STARD3: variants seen among roughly 807,000 people sequenced by gnomAD.
STARD3 encodes the protein StAR related lipid transfer domain containing 3.
A neutral mutation model predicts 62.0 loss-of-function variants in STARD3; 39 were observed. The observed-to-expected ratio is 0.63, with a 90% CI of 0.49 to 0.82. STARD3 has a LOEUF of 0.82. Among genes scored for constraint, STARD3 ranks in the 40% least tolerant of loss-of-function variants. The pLI is 0.00. For synonymous variants in STARD3, 229 were observed against 242.4 expected, an observed-to-expected ratio of 0.94 and a Z score of 0.51; for missense variants, 543 against 584.5, an observed-to-expected ratio of 0.93 and a Z score of 0.73.
At chr17:39,662,506 C>G in intron 14 of STARD3, 162 bp downstream of exon 14, 1 of 720,558 alleles carries the variant, frequency 1.4e-6, no homozygotes, top group Non-Finnish European at 2.3e-6. Flanking sequence ...CAGATGGTCT[C>G]TTAGCCCTGG....
At position 39,663,132 on chromosome 17, in the gene STARD3, T is replaced by C; in HGVS notation, c.*224T>C. 1 of 476,284 alleles carries C rather than the reference T, an allele frequency of 2.1e-6. No individual in the cohort carries two copies. The highest frequency in any genetic ancestry group is 3.7e-6 in the Non-Finnish European group (1 of 271,722). The allele number at this position is 476,284 out of a possible 1,614,324, so 29.5% of individuals were successfully genotyped here. ...GAGGAAGTGGGGTCTGGCCTGTTGA[T>C]GTTTACATGGCGCCCTGCCTCCTGG... On this transcript the variant is annotated 3_prime_UTR_variant, in exon 15 of 15. Transcript: ENST00000336308.
chr17:39,638,357 T>C (rs1004926155), intron 1 of STARD3, among the ~76,000 whole-genome samples: 1 of 152,250 alleles, frequency 6.6e-6, no homozygotes, highest in African/African-American at 2.4e-5. Flanking sequence ...CTATTGCCTA[T>C]GTGCTGAACC....
chr17:39,642,900 C>T (rs918564260), intron 1 of STARD3, among the ~76,000 whole-genome samples: 4 of 151,624 alleles, frequency 2.6e-5, no homozygotes, highest in African/African-American at 7.3e-5. Flanking sequence ...CCGTGGACAG[C>T]GAGGGACCAG....
intron 1 of STARD3, among the ~76,000 whole-genome samples, chr17:39,640,505 C>A (rs1003862772): frequency 3.3e-5 from 5 of 149,648 alleles, no homozygotes; most frequent in African/African-American, 1.2e-4. Flanking sequence ...TCCCTTCCAT[C>A]CCCCCAACCC....
At chr17:39,643,667 G>T (rs926591848) in intron 1 of STARD3, among the ~76,000 whole-genome samples, 7 of 152,168 alleles carry the variant, frequency 4.6e-5, no homozygotes, top group African/African-American at 1.7e-4. Context: ...TCTACCCTCT[G>T]TGGAGTCTCC....
rs144274325 is a variant in STARD3, at chr17:39,658,283, C to G, written c.430-122C>G. The G allele has an allele frequency of 1.0e-3, 979 of 950,672 alleles. 7 individuals are homozygous for G. The African/African-American group carries it at 0.014, about 14-fold the overall frequency. The allele number at this position is 950,672 out of a possible 1,614,324, so 58.9% of individuals were successfully genotyped here. A position where few individuals can be genotyped will look rare whatever the true frequency, so the allele number is the denominator to read the frequency against. ...CCTGCTGCAGACTTGAGAGGGTTCC[C>G]AAGCAGCTGCTACCAGGAATGGGGT... On this transcript the variant is annotated intron_variant, in intron 5 of 14. Coordinates refer to ENST00000336308, the MANE Select transcript of STARD3 (RefSeq NM_006804.4).
chr17:39,639,997 T>C (rs2056969072), intron 1 of STARD3, among the ~76,000 whole-genome samples: 1 of 152,194 alleles, frequency 6.6e-6, no homozygotes. Flanking sequence ...GATCACAGCA[T>C]GGTATTATTT....
At position 39,653,729 on chromosome 17, in the gene STARD3, G is replaced by A. The variant is rs773414195; in HGVS notation, c.198G>A (p.Leu66=). 1 of 1,614,130 alleles carries A rather than the reference G, an allele frequency of 6.2e-7. No homozygotes were observed. The highest frequency in any genetic ancestry group is 1.3e-5 in the African/African-American group (1 of 75,052). ...FVTFDLLFIS[L]LWIIELNTNT... ...CCTTCGACCTGCTCTTCATCTCCCT[G>A]CTCTGGATCATCGAACTGAATGTGA... The change falls in exon 2 of 15, where the codon CTG becomes CTA. Residue 66 remains leucine, a synonymous_variant. Coordinates refer to ENST00000336308, the MANE Select transcript of STARD3 (RefSeq NM_006804.4).
chr17:39,660,687 T>C lies in STARD3; in HGVS notation c.955-123T>C. Reference sequence around the variant, plus strand: ...GTCGGGAGGAGGGCAGGAGGAGTGCTCATCAGGCGCTGCCCAGGGCCTGCC... The same window carrying C: ...GTCGGGAGGAGGGCAGGAGGAGTGCCCATCAGGCGCTGCCCAGGGCCTGCC... On this transcript the variant is annotated intron_variant, in intron 11 of 14. Coordinates refer to ENST00000336308, the MANE Select transcript of STARD3 (RefSeq NM_006804.4). This position sits in a 1 kb window ranked among gnomAD's most constrained non-coding sequence, Gnocchi z 4.8. 7.4e-7 allele frequency: 1 copy of C among 1,358,568 alleles called. No individual in the cohort carries two copies. The highest frequency in any genetic ancestry group is 1.0e-6 in the Non-Finnish European group (1 of 972,972). 84.2% of individuals were successfully genotyped at this position (1,358,568 alleles called of 1,614,324 possible).
chr17:39,650,420 G>A (rs1056931958), intron 1 of STARD3, among the ~76,000 whole-genome samples: 1 of 152,192 alleles, frequency 6.6e-6, no homozygotes, highest in African/African-American at 2.4e-5. Flanking sequence ...CCAGCCTCCT[G>A]AACTGTGAGA....
chr17:39,644,434 A>G (rs1186467611), intron 1 of STARD3, among the ~76,000 whole-genome samples: 1 of 152,090 alleles, frequency 6.6e-6, no homozygotes, highest in Non-Finnish European at 1.5e-5. Context: ...TATAGTTATC[A>G]TTGTCTCCTT....
intron 7 of STARD3, 51 bp from the exon 8 acceptor site, chr17:39,659,000 C>A (rs1258590115): frequency 6.2e-7 from 1 of 1,611,408 alleles, no homozygotes; most frequent in Non-Finnish European, 8.5e-7. Context: ...ACTACCTCCC[C>A]ACACTCTCTC....
intron 1 of STARD3, among the ~76,000 whole-genome samples, chr17:39,639,119 A>G (rs548881740): frequency 1.5e-4 from 23 of 152,360 alleles, no homozygotes; most frequent in Admixed American, 1.4e-3. Context: ...TAAAATAAAT[A>G]AATAAAAAGT....
At chr17:39,658,234 T>G (rs1281511971) in intron 5 of STARD3, 171 bp from the exon 6 acceptor site, 1 of 828,086 alleles carries the variant, frequency 1.2e-6, no homozygotes, top group East Asian at 2.6e-5. Context: ...AGAAGGTTCT[T>G]TCTCCAGCCT....
intron 1 of STARD3, among the ~76,000 whole-genome samples, chr17:39,647,661 CTGAGTGAGCCCCATT>C (rs1179272231): frequency 2.0e-5 from 3 of 152,196 alleles, no homozygotes; most frequent in Non-Finnish European, 4.4e-5. Context: ...TCAAAGTCAT[CTGAGTGAGCCCCATT>C]TTCAAACCCT....
rs1473199967 is a variant in STARD3 at position 39,657,077 on chromosome 17, G to T, written c.289G>T (p.Asp97Tyr). ...GTACAACTTTAAAACTTCCTTCTTC[G>T]ACATCTTTGTGAGTGGCCTTGGCTG... is the stretch of plus-strand genomic sequence containing the variant. ...IQYNFKTSFF[D>Y]IFVLAFFRFS... The change falls in exon 3 of 15, where the codon GAC becomes TAC. Residue 97 changes from aspartate (D) to tyrosine (Y), a missense_variant. Physicochemically the swap from Asp to Tyr is radical, Grantham distance 160. Coordinates refer to ENST00000336308, the MANE Select transcript of STARD3 (RefSeq NM_006804.4). 1.9e-6 allele frequency: 3 copies of T among 1,614,010 alleles called. No homozygotes were observed. Among genetic ancestry groups the T allele is most frequent in the Non-Finnish European group, 2.5e-6 (3 of 1,180,000 alleles).
At chr17:39,643,862 A>G (rs762472526) in intron 1 of STARD3, among the ~76,000 whole-genome samples, 28 of 152,260 alleles carry the variant, frequency 1.8e-4, no homozygotes, top group Non-Finnish European at 3.5e-4. Flanking sequence ...ATTGCATTGA[A>G]TAAGTCATTT....
At chr17:39,650,555 C>G (rs1002690224) in intron 1 of STARD3, among the ~76,000 whole-genome samples, 1 of 152,124 alleles carries the variant, frequency 6.6e-6, no homozygotes, top group Non-Finnish European at 1.5e-5. Flanking sequence ...CGCCTGTAAT[C>G]CCAACACTGG....
At position 39,658,421 on chromosome 17, in the gene STARD3, C is replaced by T. The variant is rs1165352659; in HGVS notation, c.446C>T (p.Ala149Val). 2 of 1,614,114 alleles carry T rather than the reference C, an allele frequency of 1.2e-6. No homozygotes were observed. The highest frequency in any genetic ancestry group is 1.3e-5 in the African/African-American group (1 of 75,038). ...VILSELLSKG[A>V]FGYLLPIVSF... ...CCTTCACAGCTGCTCAGCAAAGGGG[C>T]ATTTGGCTACCTGCTCCCCATCGTC... The change falls in exon 6 of 15, where the codon GCA (alanine) becomes GTA (valine). Residue 149 changes from alanine to valine, a missense_variant. By Grantham distance (64) the Ala-to-Val change is moderately conservative (BLOSUM62 0). Coordinates refer to ENST00000336308, the MANE Select transcript of STARD3 (RefSeq NM_006804.4).
Sources: gnomAD v4.1 joint callset for allele counts (sites outside exome capture counted in the v4.1 genomes callset) on GRCh38, gnomAD v4.1.1 for gene constraint, Gnocchi (gnomAD v3.1) non-coding constraint, MANE v1.5 for transcripts, NCBI Gene and HGNC (gene_info 2026-07-23, HGNC 2026-07-21) for gene names.